The following HIF1A variants were observed in gnomAD, a reference collection of about 807,000 sequenced individuals.
The protein encoded by HIF1A is hypoxia inducible factor 1 subunit alpha.
In HIF1A, 24 loss-of-function variants were observed where a neutral mutation model predicts 92.7. The ratio of observed to expected loss-of-function variants is 0.26; its 90% confidence interval spans 0.19 to 0.36. The LOEUF (loss-of-function observed/expected upper bound fraction) is 0.36. Ranked by LOEUF, HIF1A falls within the 10% of genes least tolerant of loss-of-function variation. HIF1A has a pLI of 1.00. For missense variants in HIF1A, 799 were observed against 998.5 expected (o/e 0.80, Z 2.69); for synonymous variants, 319 against 338.7 (o/e 0.94, Z 0.64).
In HIF1A at chr14:61,718,474, C is replaced by A. The variant is rs190711139; in HGVS notation, c.36-1908C>A. ...AGGGCCAATAGGGACCTGCTAGATA[C>A]CCCCCCATCCTGGGAATGGTGTATG... On this transcript the variant is annotated intron_variant, in intron 1 of 14. Coordinates refer to ENST00000337138, the MANE Select transcript of HIF1A (RefSeq NM_001530.4). 1.3e-4 allele frequency among the ~76,000 whole-genome samples: 20 copies of A among 148,750 alleles called. No individual in the cohort carries two copies. In the East Asian group the frequency reaches 3.7e-3, roughly 28 times the overall value.
chr14:61,721,684 T>C (rs751304966), intron 3 of HIF1A, 30 bp downstream of exon 3: 3 of 1,607,892 alleles, frequency 1.9e-6, no homozygotes, highest in South Asian at 1.1e-5. Context: ...AGAGCTCTTC[T>C]ATATGTTTTT....
At chr14:61,729,441 G>A (rs2140144615) in intron 6 of HIF1A, among the ~76,000 whole-genome samples, 1 of 149,370 alleles carries the variant, frequency 6.7e-6, no homozygotes, top group Non-Finnish European at 1.5e-5. Context: ...CGGCCTGGGA[G>A]ACGGAGTGAG....
At position 61,737,026 on chromosome 14, in the gene HIF1A, A is replaced by G. The variant is rs1387749904; in HGVS notation, c.1166A>G (p.Lys389Arg). The change falls in exon 9 of 15, where the codon AAA (lysine) becomes AGA (arginine). Residue 389 changes from lysine to arginine, a missense_variant. Lys to Arg is a conservative substitution (Grantham distance 26). This residue lies in a region of HIF1A where 516 missense variants were observed against 721.0 expected (regional missense o/e 0.72). Transcript: ENST00000337138. ...ESEDTSSLFDKLKKEPDALTL... is the reference protein window; with the variant it reads ...ESEDTSSLFDRLKKEPDALTL... ...GAAGATACAAGTAGCCTCTTTGACA[A>G]ACTTAAGAAGGAACCTGATGCTTTA... 6.2e-7 allele frequency: 1 copy of G among 1,614,168 alleles called. No individual in the cohort carries two copies. Among genetic ancestry groups the G allele is most frequent in the Admixed American group, 1.7e-5 (1 of 60,022 alleles).
chr14:61,746,983 A>G lies in HIF1A; in HGVS notation c.2379A>G (p.Pro793=), dbSNP rs148149561. 1 of 1,613,530 alleles carries G rather than the reference A, an allele frequency of 6.2e-7. No individual in the cohort carries two copies. The highest frequency in any genetic ancestry group is 1.3e-5 in the African/African-American group (1 of 75,046). Residue 793 remains proline (P), a synonymous_variant, in exon 15 of 15, where the codon CCA becomes CCG. Transcript: ENST00000337138. ...AATCAATGGATGAAAGTGGATTACC[A>G]CAGCTGACCAGTTATGATTGTGAAG... is the stretch of plus-strand genomic sequence containing the variant. The part of the protein sequence containing the change: ...LGQSMDESGL[P]QLTSYDCEVN...
intron 1 of HIF1A, among the ~76,000 whole-genome samples, chr14:61,714,845 C>G (rs190164345): frequency 6.6e-6 from 1 of 151,982 alleles, no homozygotes; most frequent in African/African-American, 2.4e-5. Context: ...ACCAGCCTGG[C>G]CAACATAATG....
rs750594500 is a variant in HIF1A at position 61,721,490 on chromosome 14, C to T, written c.227-19C>T. On this transcript the variant is annotated intron_variant, in intron 2 of 14. Transcript: ENST00000337138. ...CAACTTTTTAACTAATTATTTTCCT[C>T]TTCTTGTGCCCTTTTTAGGTGATTT... 92 of 1,599,922 alleles carry T rather than the reference C, an allele frequency of 5.8e-5. No individual in the cohort carries two copies. Among genetic ancestry groups the T allele is most frequent in the Non-Finnish European group, 7.5e-5 (88 of 1,171,196 alleles).
intron 1 of HIF1A, among the ~76,000 whole-genome samples, chr14:61,712,659 C>T (rs1458422540): frequency 3.3e-5 from 5 of 149,942 alleles, no homozygotes; most frequent in African/African-American, 9.9e-5. Flanking sequence ...TTTAATAGTA[C>T]TAACATTGAT....
In HIF1A at chr14:61,720,283, C is replaced by T. The variant is rs1410588356; in HGVS notation, c.36-99C>T. 5 of 780,908 alleles carry T rather than the reference C, an allele frequency of 6.4e-6. No homozygotes were observed. The Admixed American group carries it at 1.3e-4, about 20-fold the overall frequency. 48.4% of individuals were successfully genotyped at this position (780,908 alleles called of 1,614,324 possible). A position where few individuals can be genotyped will look rare whatever the true frequency, so the allele number is the denominator to read the frequency against. ...ACTTAATTACATGGCATCTTCTAATCCTTCTGTGATAAGCAGAAATGTAAA... is the reference window on the plus strand; with the variant it reads ...ACTTAATTACATGGCATCTTCTAATTCTTCTGTGATAAGCAGAAATGTAAA... On this transcript the variant is annotated intron_variant, in intron 1 of 14. Transcript: ENST00000337138.
chr14:61,732,517 TC>T lies in HIF1A; in HGVS notation c.874del (p.His292MetfsTer47). On this transcript the variant is annotated frameshift_variant, in exon 7 of 15. Transcript: ENST00000337138. LOFTEE classifies it high-confidence loss of function. ...ACTCTGATCATCTGACCAAAACTCA[TC>T]ATGATAGTAAGTACAATGGAAGAAC... is the stretch of plus-strand genomic sequence containing the variant. ...LDSDHLTKTH[H>X]DMFTKGQVTT... 6.4e-7 allele frequency: 1 copy of T among 1,566,816 alleles called. No individual in the cohort carries two copies. The highest frequency in any genetic ancestry group is 8.8e-7 in the Non-Finnish European group (1 of 1,137,540).
Position 61,695,530 on chromosome 14 carries a change from C to T in HIF1A, c.-275C>T, listed in dbSNP as rs1359193820. The T allele has an allele frequency of 1.1e-5, 6 of 546,842 alleles. No individual in the cohort carries two copies. The highest frequency in any genetic ancestry group is 3.4e-5 in the Admixed American group (1 of 29,136). The allele number at this position is 546,842 out of a possible 1,614,324, so 33.9% of individuals were successfully genotyped here. ...AGCTCCTCAGTGCACAGTGCTGCCT[C>T]GTCTGAGGGGACAGGAGGATCACCC... On this transcript the variant is annotated 5_prime_UTR_variant, in exon 1 of 15. Coordinates refer to ENST00000337138, the MANE Select transcript of HIF1A (RefSeq NM_001530.4).
chr14:61,696,571 A>T (rs1274650938), intron 1 of HIF1A, among the ~76,000 whole-genome samples: 1 of 152,214 alleles, frequency 6.6e-6, no homozygotes, highest in Non-Finnish European at 1.5e-5. Flanking sequence ...GGAAATGGCA[A>T]CATTTTAAAG....
chr14:61,717,286 C>T (rs527970074), intron 1 of HIF1A, among the ~76,000 whole-genome samples: 1 of 152,236 alleles, frequency 6.6e-6, no homozygotes, highest in East Asian at 1.9e-4. Flanking sequence ...AATGCTGAAA[C>T]TCACAAGAAC....
intron 1 of HIF1A, among the ~76,000 whole-genome samples, chr14:61,715,246 G>T (rs1307894837): frequency 6.6e-6 from 1 of 152,184 alleles, no homozygotes; most frequent in East Asian, 1.9e-4. Context: ...GGACAGTAGA[G>T]CAGAGAGCAT....
At chr14:61,696,420 G>A (rs2044117049) in intron 1 of HIF1A, among the ~76,000 whole-genome samples, 1 of 152,250 alleles carries the variant, frequency 6.6e-6, no homozygotes, top group South Asian at 2.1e-4. Flanking sequence ...GCCGTCGCGG[G>A]TGTCTTTGCC....
At chr14:61,746,315 G>A (rs1248453456) in intron 14 of HIF1A, among the ~76,000 whole-genome samples, 3 of 147,964 alleles carry the variant, frequency 2.0e-5, no homozygotes, top group Admixed American at 1.4e-4. Context: ...TTCATTTTTA[G>A]TAATTTTCTT....
At chr14:61,739,297 A>G (rs2044677574) in intron 10 of HIF1A, among the ~76,000 whole-genome samples, 1 of 152,210 alleles carries the variant, frequency 6.6e-6, no homozygotes, top group East Asian at 1.9e-4. Context: ...TTTAAAGGCT[A>G]GGCTGGCCAA....
At chr14:61,697,548 A>T in intron 1 of HIF1A, 1 of 275,424 alleles carries the variant, frequency 3.6e-6, no homozygotes, top group Non-Finnish European at 5.9e-6. Flanking sequence ...TAAATTAGCT[A>T]CTGTTCATCA....
intron 1 of HIF1A, chr14:61,697,565 A>G (rs2044130816): frequency 9.1e-6 from 4 of 438,884 alleles, no homozygotes; most frequent in Non-Finnish European, 9.5e-6. Flanking sequence ...ATCAGCCCCA[A>G]TTCTAAATAA....
At chr14:61,710,276 A>G (rs1370013312) in intron 1 of HIF1A, among the ~76,000 whole-genome samples, 5 of 152,178 alleles carry the variant, frequency 3.3e-5, no homozygotes, top group African/African-American at 1.2e-4. Context: ...TCAGTTAGGG[A>G]TTGACCCTGG....
Sources: allele counts gnomAD v4.1 joint callset (sites outside exome capture counted in the v4.1 genomes callset), GRCh38; gene constraint gnomAD v4.1.1; regional missense constraint gnomAD v4.1.1; transcripts MANE v1.5; gene names NCBI Gene and HGNC (gene_info 2026-07-23, HGNC 2026-07-21).